NBAS: variants seen among roughly 807,000 people sequenced by gnomAD.
The protein encoded by NBAS is NAG/BC035112 fusion.
Under a neutral mutation model 302.5 loss-of-function variants are expected in NBAS, and 219 were observed. That is an observed-to-expected ratio of 0.72 (90% CI 0.65 to 0.81). NBAS has a LOEUF of 0.81. Among genes scored for constraint, NBAS ranks in the 30% least tolerant of loss-of-function variants. NBAS has a pLI of 0.00. For synonymous variants in NBAS, 1,118 were observed against 1,021.6 expected, an observed-to-expected ratio of 1.09 and a Z score of -1.80; for missense variants, 2,932 against 2,841.6, an observed-to-expected ratio of 1.03 and a Z score of -0.72.
chr2:14,962,738 C>T, the NBAS span, among the ~76,000 whole-genome samples: 1 of 152,050 alleles, frequency 6.6e-6, no homozygotes. Context: ...TAGCCATTGA[C>T]GCTCCACCTC....
At position 15,415,602 on chromosome 2, in the gene NBAS, A is replaced by C. The variant is rs1311805098; in HGVS notation, c.2881T>G (p.Leu961Val). 6 of 1,613,982 alleles carry C rather than the reference A, an allele frequency of 3.7e-6. No homozygotes were observed. Among genetic ancestry groups the C allele is most frequent in the Non-Finnish European group, 5.1e-6 (6 of 1,179,982 alleles). The change falls in exon 25 of 52, where the codon TTA becomes GTA. Residue 961 changes from leucine to valine, a missense_variant. By Grantham distance (32) the Leu-to-Val change is conservative. Transcript: ENST00000281513. ...GGAAATTTTAAGTCCCCTTTAGCTA[A>C]AGTTACTAAATATTCTTTTAATAGC... ...NELLKEYLVTLAKGDLKFPLK... is the reference protein window; with the variant it reads ...NELLKEYLVTVAKGDLKFPLK...
chr2:15,095,247 T>G, the NBAS span, among the ~76,000 whole-genome samples: 1 of 152,152 alleles, frequency 6.6e-6, no homozygotes, highest in Admixed American at 6.5e-5. Context: ...TTCATGCTGC[T>G]GATAAAGACA....
the NBAS span, among the ~76,000 whole-genome samples, chr2:14,925,043 TAA>T: frequency 6.6e-6 from 1 of 152,210 alleles, no homozygotes; most frequent in Admixed American, 6.5e-5. Context: ...CGAATTTCGA[TAA>T]AGTTAACTTC....
the NBAS span, among the ~76,000 whole-genome samples, chr2:14,835,254 A>G: frequency 1.3e-5 from 2 of 152,022 alleles, no homozygotes; most frequent in Admixed American, 1.3e-4. Flanking sequence ...CATTAAACAC[A>G]TAGATATATA....
the NBAS span, among the ~76,000 whole-genome samples, chr2:14,900,112 CTT>C: frequency 1.1e-4 from 15 of 140,554 alleles, no homozygotes; most frequent in Non-Finnish European, 1.1e-4. Flanking sequence ...AAGTCACATG[CTT>C]TTTTTTTTTT....
At position 15,528,743 on chromosome 2, in the gene NBAS, T is replaced by C. The variant is rs527657907; in HGVS notation, c.746+5800A>G. On this transcript the variant is annotated intron_variant, in intron 9 of 51. Transcript: ENST00000281513. ...TTAGCCGGACCTGATGGCAAGAGCC[T>C]GTAATCCCAGCTACTCAGGAGGCTA... Among the ~76,000 whole-genome samples, 314 of 149,950 alleles carry C rather than the reference T, an allele frequency of 2.1e-3. 1 individual carries two copies. The highest frequency in any genetic ancestry group is 7.1e-3 in the African/African-American group (292 of 41,116).
In NBAS at chr2:15,436,454, C is replaced by T. The variant is rs189554583; in HGVS notation, c.2340-8660G>A. Reference sequence around the variant, plus strand: ...TGTGCTTCTCAAGCTTGTGAAAAACCCTCCAATGACAGAAAAAATTATACT... The same window carrying T: ...TGTGCTTCTCAAGCTTGTGAAAAACTCTCCAATGACAGAAAAAATTATACT... On this transcript the variant is annotated intron_variant, in intron 21 of 51. Coordinates refer to ENST00000281513, the MANE Select transcript of NBAS (RefSeq NM_015909.4). Among the ~76,000 whole-genome samples, 12 of 152,134 alleles carry T rather than the reference C, an allele frequency of 7.9e-5. No homozygotes were observed. The East Asian group carries it at 2.1e-3, about 27-fold the overall frequency.
chr2:14,809,793 A>G, the NBAS span, among the ~76,000 whole-genome samples: 1 of 152,202 alleles, frequency 6.6e-6, no homozygotes, highest in Non-Finnish European at 1.5e-5. Context: ...ACAGACACTC[A>G]GCACCAGCCT....
At chr2:15,221,848 A>G (rs1028564778) in intron 47 of NBAS, among the ~76,000 whole-genome samples, 2 of 152,230 alleles carry the variant, frequency 1.3e-5, no homozygotes, top group African/African-American at 4.8e-5. Flanking sequence ...CACCTAGGTA[A>G]CCAAGAGACT....
intron 44 of NBAS, among the ~76,000 whole-genome samples, chr2:15,274,084 A>AC (rs1330122778): frequency 4.6e-5 from 7 of 152,158 alleles, no homozygotes; most frequent in Admixed American, 4.6e-4. Context: ...CGTCTCAAAA[A>AC]AAAAAAATCA....
chr2:14,902,225 G>A, the NBAS span, among the ~76,000 whole-genome samples: 4 of 152,130 alleles, frequency 2.6e-5, no homozygotes, highest in South Asian at 2.1e-4. Flanking sequence ...TCTGCCTCCC[G>A]GGTTCAAGTG....
intron 28 of NBAS, among the ~76,000 whole-genome samples, chr2:15,383,768 C>T: frequency 6.6e-6 from 1 of 152,220 alleles, no homozygotes; most frequent in Admixed American, 6.5e-5. Flanking sequence ...CATTCACATC[C>T]ATAGGACAAC....
At chr2:14,909,197 G>A in the NBAS span, among the ~76,000 whole-genome samples, 2 of 151,720 alleles carry the variant, frequency 1.3e-5, no homozygotes, top group East Asian at 3.9e-4. Context: ...GCGGGCATCT[G>A]TAGTCCCAGC....
At chr2:14,984,766 A>G in the NBAS span, among the ~76,000 whole-genome samples, 3 of 152,192 alleles carry the variant, frequency 2.0e-5, no homozygotes, top group Non-Finnish European at 2.9e-5. Context: ...AATGCTGATT[A>G]GTCATGAACA....
At chr2:15,482,835 T>G (rs978458759) in intron 12 of NBAS, among the ~76,000 whole-genome samples, 1 of 152,204 alleles carries the variant, frequency 6.6e-6, no homozygotes, top group East Asian at 1.9e-4. Context: ...AAATTTGTTA[T>G]GCTTTTCTCT....
chr2:15,477,627 C>G (rs1125533), intron 13 of NBAS, among the ~76,000 whole-genome samples: 92,238 of 151,996 alleles, frequency 0.61, 28,942 homozygotes, highest in Non-Finnish European at 0.68. Flanking sequence ...AAAAATTCAT[C>G]ACGGATTTAA....
At chr2:15,311,752 G>T (rs1671286797) in intron 38 of NBAS, among the ~76,000 whole-genome samples, 1 of 152,092 alleles carries the variant, frequency 6.6e-6, no homozygotes, top group African/African-American at 2.4e-5. Flanking sequence ...GAAGAAGTTA[G>T]ATGTTTTCCT....
At chr2:15,001,801 G>A in the NBAS span, among the ~76,000 whole-genome samples, 1 of 152,158 alleles carries the variant, frequency 6.6e-6, no homozygotes, top group Non-Finnish European at 1.5e-5. Context: ...GCTCAGGAGT[G>A]AAGCTGCAGA....
At chr2:15,364,534 G>GA (rs1674101075) in intron 32 of NBAS, among the ~76,000 whole-genome samples, 1 of 151,676 alleles carries the variant, frequency 6.6e-6, no homozygotes, top group Non-Finnish European at 1.5e-5. Flanking sequence ...TCTGTCTCAA[G>GA]AAAAAAAAGA....
Sources: allele counts gnomAD v4.1 joint callset (sites outside exome capture counted in the v4.1 genomes callset), GRCh38; gene constraint gnomAD v4.1.1; transcripts MANE v1.5; gene names NCBI Gene and HGNC (gene_info 2026-07-23, HGNC 2026-07-21).